Variants in ATAD2B observed in about 807,000 individuals in gnomAD.
ATAD2B encodes the protein ATPase family AAA domain-containing protein 2B.
A neutral mutation model predicts 167.6 loss-of-function variants in ATAD2B; 40 were observed. The observed-to-expected ratio is 0.24, with a 90% CI of 0.19 to 0.31. The LOEUF (loss-of-function observed/expected upper bound fraction) is 0.31. Among genes scored for constraint, ATAD2B ranks in the 10% least tolerant of loss-of-function variants. ATAD2B has a pLI of 1.00. For synonymous variants in ATAD2B, 579 were observed against 596.5 expected (o/e 0.97, Z 0.43); for missense variants, 1,242 against 1,757.2 (o/e 0.71, Z 5.24).
At chr2:23,772,104 C>G (rs1214172557) in intron 22 of ATAD2B, among the ~76,000 whole-genome samples, 1 of 151,960 alleles carries the variant, frequency 6.6e-6, no homozygotes, top group East Asian at 1.9e-4. Context: ...GCCTTCCAAA[C>G]AGTTTTTCTT....
At chr2:23,821,425 C>T (rs1687429957) in intron 16 of ATAD2B, among the ~76,000 whole-genome samples, 1 of 152,170 alleles carries the variant, frequency 6.6e-6, no homozygotes, top group African/African-American at 2.4e-5. Context: ...CAAATCATGG[C>T]ATCGTGCCTG....
intron 22 of ATAD2B, among the ~76,000 whole-genome samples, chr2:23,780,161 T>G (rs138844542): frequency 6.6e-6 from 1 of 151,796 alleles, no homozygotes; most frequent in South Asian, 2.1e-4. Context: ...GGTGGGAGGA[T>G]TGCTTGAGCC....
At position 23,757,731 on chromosome 2, in the gene ATAD2B, C is replaced by G. The variant is rs766617959; in HGVS notation, c.3765G>C (p.Gln1255His). The G allele has an allele frequency of 6.2e-7, 1 of 1,609,760 alleles. No individual in the cohort carries two copies. Residue 1255 changes from glutamine to histidine, a missense_variant, in exon 25 of 28, where the codon CAG (glutamine) becomes CAC (histidine). Gln to His is a conservative substitution (Grantham distance 24). Around this residue, in one of 9 missense-constraint regions of ATAD2B, gnomAD observed 282 missense variants for 346.8 expected, o/e 0.81. Transcript: ENST00000238789. ...TAAGGAAAGTCTCTTTCCTGGAGGTCTGCTCCGGGTTTAAGGAACTGCTGC... is the reference window on the plus strand; with the variant it reads ...TAAGGAAAGTCTCTTTCCTGGAGGTGTGCTCCGGGTTTAAGGAACTGCTGC... ...VNSSSSLNPE[Q>H]TSRKETFLKG...
rs779732939 is a variant in ATAD2B at position 23,828,880 on chromosome 2, T to C, written c.1788A>G (p.Ala596=). ...TRDWNPKLSD[A]FLGELAEKCV... is the part of the protein sequence containing the mutation. ...ATTTTTCAGCCAATTCACCTAAAAATGCATCTGACAATTTTGGATTCCAGT... is the reference window on the plus strand; with the variant it reads ...ATTTTTCAGCCAATTCACCTAAAAACGCATCTGACAATTTTGGATTCCAGT... Residue 596 remains alanine (A), a synonymous_variant, in exon 15 of 28, where the codon GCA becomes GCG. Transcript: ENST00000238789. 7 of 1,611,202 alleles carry C rather than the reference T, an allele frequency of 4.3e-6. No individual in the cohort carries two copies. The highest frequency in any genetic ancestry group is 1.3e-5 in the African/African-American group (1 of 74,872).
chr2:23,908,491 G>A (rs1436865550), intron 1 of ATAD2B, among the ~76,000 whole-genome samples: 6 of 152,184 alleles, frequency 3.9e-5, no homozygotes, highest in African/African-American at 1.2e-4. Context: ...AAAACAACAG[G>A]TGCTGGAGAG....
At chr2:23,775,509 G>A (rs1211032319) in intron 22 of ATAD2B, among the ~76,000 whole-genome samples, 3 of 152,132 alleles carry the variant, frequency 2.0e-5, no homozygotes, top group African/African-American at 7.2e-5. Flanking sequence ...ACCGTGCCCA[G>A]CCGGGTAGGT....
chr2:23,756,836 C>T (rs1016552395), intron 25 of ATAD2B, among the ~76,000 whole-genome samples: 3 of 152,088 alleles, frequency 2.0e-5, no homozygotes, highest in African/African-American at 7.2e-5. Context: ...CCAGTTACCA[C>T]GAGAGGCAAT....
intron 27 of ATAD2B, among the ~76,000 whole-genome samples, chr2:23,752,343 A>T (rs559274293): frequency 1.3e-5 from 2 of 152,070 alleles, no homozygotes; most frequent in East Asian, 3.9e-4. Flanking sequence ...TTATTATGCC[A>T]GTAATATCAG....
the ATAD2B span, chr2:23,695,478 G>C: frequency 3.1e-6 from 2 of 652,028 alleles, no homozygotes; most frequent in African/African-American, 3.7e-5. This position sits in a 1 kb window ranked among gnomAD's most constrained non-coding sequence, Gnocchi z 7.6. Context: ...CTTCACCTCT[G>C]TCTAGGCTAG....
At chr2:23,695,838 C>T in the ATAD2B span, 10 of 1,542,426 alleles carry the variant, frequency 6.5e-6, no homozygotes, top group African/African-American at 1.4e-4. The surrounding 1 kb of genome is among the most constrained non-coding windows in gnomAD (Gnocchi z 7.6). Flanking sequence ...AGGGGCACGC[C>T]CCGAACCTCC....
intron 18 of ATAD2B, among the ~76,000 whole-genome samples, chr2:23,806,427 A>G (rs1359581427): frequency 6.6e-6 from 1 of 152,174 alleles, no homozygotes; most frequent in Non-Finnish European, 1.5e-5. Flanking sequence ...CTTCTGTTCT[A>G]TTACTTTGTC....
chr2:23,698,520 T>C, the ATAD2B span, among the ~76,000 whole-genome samples: 32 of 152,074 alleles, frequency 2.1e-4, no homozygotes, highest in Non-Finnish European at 3.8e-4. Context: ...GCACTAATGG[T>C]ACAAATGGCT....
At chr2:23,857,383 G>C (rs778126775) in intron 13 of ATAD2B, 32 bp downstream of exon 13, 5 of 1,267,178 alleles carry the variant, frequency 3.9e-6, no homozygotes, top group Non-Finnish European at 4.3e-6. Context: ...GCGTAAAAAA[G>C]AAATCAAGAT....
chr2:23,925,604 AT>A (rs1479309899), intron 1 of ATAD2B, among the ~76,000 whole-genome samples: 1 of 152,200 alleles, frequency 6.6e-6, no homozygotes, highest in Non-Finnish European at 1.5e-5. Flanking sequence ...TTCAGAAACA[AT>A]CTCATAGTAA....
chr2:23,725,716 G>A, the ATAD2B span, among the ~76,000 whole-genome samples: 71,586 of 151,938 alleles, frequency 0.47, 17,789 homozygotes, highest in East Asian at 0.78. Context: ...AGAGGAATAA[G>A]AAACAGAGGA....
intron 2 of ATAD2B, among the ~76,000 whole-genome samples, chr2:23,892,249 C>T (rs955471660): frequency 3.3e-5 from 5 of 152,174 alleles, no homozygotes; most frequent in African/African-American, 9.6e-5. Context: ...TTGCAAGCCC[C>T]GCCTCCCTGG....
chr2:23,742,610 C>T, the ATAD2B span, among the ~76,000 whole-genome samples: 6 of 150,954 alleles, frequency 4.0e-5, no homozygotes, highest in Admixed American at 3.3e-4. Flanking sequence ...TGATAAATGA[C>T]GAGTTAATGG....
At position 23,926,858 on chromosome 2, in the gene ATAD2B, C is replaced by T. The variant is rs1288682509; in HGVS notation, c.-88G>A. ...GGCCGGTCAGTCAGGGCCAGCGGAG[C>T]CGAGCCGGGCAATGAGAGACGAGCC... On this transcript the variant is annotated 5_prime_UTR_variant, in exon 1 of 28. Transcript: ENST00000238789. 4.9e-6 allele frequency: 7 copies of T among 1,417,490 alleles called. No individual in the cohort carries two copies. Among genetic ancestry groups the T allele is most frequent in the Middle Eastern group, 2.6e-4 (1 of 3,866 alleles). The allele number at this position is 1,417,490 out of a possible 1,614,324, so 87.8% of individuals were successfully genotyped here. A position where few individuals can be genotyped will look rare whatever the true frequency, so the allele number is the denominator to read the frequency against.
chr2:23,909,598 A>G (rs978051134), intron 1 of ATAD2B, among the ~76,000 whole-genome samples: 5 of 152,014 alleles, frequency 3.3e-5, no homozygotes, highest in Non-Finnish European at 7.4e-5. Context: ...CCCATAGTAC[A>G]TGTGCCATGG....
Sources: gnomAD v4.1 joint callset for allele counts (sites outside exome capture counted in the v4.1 genomes callset) on GRCh38, gnomAD v4.1.1 for gene constraint, gnomAD v4.1.1 regional missense constraint, Gnocchi (gnomAD v3.1) non-coding constraint, MANE v1.5 for transcripts, NCBI Gene and HGNC (gene_info 2026-07-23, HGNC 2026-07-21) for gene names.